SVEP1: variants seen among roughly 807,000 people sequenced by gnomAD.
SVEP1 encodes sushi, von Willebrand factor type A, EGF and pentraxin domain-containing protein 1.
Under a neutral mutation model 367.3 loss-of-function variants are expected in SVEP1, and 164 were observed. That is an observed-to-expected ratio of 0.45 (90% CI 0.39 to 0.51). SVEP1 has a LOEUF of 0.51. Ranked by LOEUF, SVEP1 falls within the 20% of genes least tolerant of loss-of-function variation. The pLI is 0.00. For missense variants in SVEP1, 4,117 were observed against 4,425.3 expected (o/e 0.93, Z 1.98); for synonymous variants, 1,666 against 1,611.6 (o/e 1.03, Z -0.81).
chr9:110,423,956 C>T (rs1268861396), intron 36 of SVEP1, among the ~76,000 whole-genome samples: 7 of 152,122 alleles, frequency 4.6e-5, no homozygotes, highest in Non-Finnish European at 7.4e-5. Flanking sequence ...AAACCTTAAA[C>T]AATGATGAAA....
intron 36 of SVEP1, among the ~76,000 whole-genome samples, chr9:110,422,911 A>C: frequency 9.0e-6 from 1 of 111,060 alleles, no homozygotes; most frequent in Admixed American, 9.5e-5. Flanking sequence ...ATAGGTGGGA[A>C]TTGAACAATG....
intron 5 of SVEP1, among the ~76,000 whole-genome samples, chr9:110,504,977 ATCT>A (rs2118758961): frequency 6.6e-6 from 1 of 152,280 alleles, no homozygotes; most frequent in African/African-American, 2.4e-5. Flanking sequence ...GGTTTTCTTC[ATCT>A]TCTTTGAATT....
At chr9:110,394,065 TG>T (rs1827715900) in intron 40 of SVEP1, among the ~76,000 whole-genome samples, 1 of 152,164 alleles carries the variant, frequency 6.6e-6, no homozygotes, top group Non-Finnish European at 1.5e-5. Context: ...CCTCCTCAAG[TG>T]GGTCCCTGAC....
At chr9:110,513,660 G>A (rs1373514628) in intron 4 of SVEP1, among the ~76,000 whole-genome samples, 1 of 152,064 alleles carries the variant, frequency 6.6e-6, no homozygotes, top group Admixed American at 6.5e-5. Context: ...TTAAAATTGT[G>A]GCTTTTCTTT....
intron 3 of SVEP1, among the ~76,000 whole-genome samples, chr9:110,515,458 G>A (rs924645466): frequency 3.3e-5 from 5 of 151,872 alleles, no homozygotes; most frequent in African/African-American, 7.3e-5. Flanking sequence ...CCGCCACCAC[G>A]CCTGGCTAAT....
chr9:110,500,327 T>G (rs1829513338), intron 6 of SVEP1, among the ~76,000 whole-genome samples: 1 of 152,238 alleles, frequency 6.6e-6, no homozygotes, highest in South Asian at 2.1e-4. Flanking sequence ...CTCAGTATCC[T>G]TTATTTACAG....
At chr9:110,402,439 C>T (rs1011701928) in intron 39 of SVEP1, among the ~76,000 whole-genome samples, 2 of 152,108 alleles carry the variant, frequency 1.3e-5, no homozygotes, top group Non-Finnish European at 2.9e-5. Flanking sequence ...CTCCTAGGTG[C>T]TGAACATAGT....
At chr9:110,450,467 GT>G (rs10656079) in intron 23 of SVEP1, among the ~76,000 whole-genome samples, 12,179 of 101,718 alleles carry the variant, frequency 0.12, 303 homozygotes, top group South Asian at 0.2. Context: ...TTGATAATCT[GT>G]TTTTTTTTTT....
chr9:110,479,867 A>C, intron 12 of SVEP1, 111 bp from the exon 13 acceptor site: 1 of 1,447,680 alleles, frequency 6.9e-7, no homozygotes, highest in East Asian at 2.3e-5. Context: ...AATTTGTGGG[A>C]TTGTTATAAA....
At chr9:110,431,424 A>G (rs1828347250) in intron 32 of SVEP1, among the ~76,000 whole-genome samples, 1 of 152,232 alleles carries the variant, frequency 6.6e-6, no homozygotes. Flanking sequence ...AAATACAACA[A>G]CGGGTTGAGA....
At position 110,400,264 on chromosome 9, in the gene SVEP1, A is replaced by C. The variant is rs904933168; in HGVS notation, c.9822+590T>G. 3.3e-5 allele frequency among the ~76,000 whole-genome samples: 5 copies of C among 152,304 alleles called. No homozygotes were observed. The East Asian group carries it at 9.6e-4, about 29-fold the overall frequency. On this transcript the variant is annotated intron_variant, in intron 40 of 47. Transcript: ENST00000374469. The stretch of plus-strand genomic sequence containing the variant: ...TATGATTACCAGCAAGCCGAAACAC[A>C]GTTTAAATGGTCAGTTGAAGTCACA...
intron 24 of SVEP1, among the ~76,000 whole-genome samples, chr9:110,448,274 A>G (rs1347503708): frequency 6.6e-6 from 1 of 152,268 alleles, no homozygotes; most frequent in Non-Finnish European, 1.5e-5. Context: ...GCAAAATATT[A>G]AGGTTTGATA....
intron 31 of SVEP1, 50 bp downstream of exon 31, chr9:110,432,412 T>C (rs899869729): frequency 1.3e-5 from 20 of 1,548,258 alleles, no homozygotes; most frequent in Non-Finnish European, 1.7e-5. Flanking sequence ...ATGACTGTCA[T>C]CTACAGAGCT....
At chr9:110,555,598 C>T (rs1165377881) in intron 1 of SVEP1, among the ~76,000 whole-genome samples, 4 of 152,190 alleles carry the variant, frequency 2.6e-5, no homozygotes, top group African/African-American at 9.6e-5. Flanking sequence ...ACACACAAAA[C>T]ACTTCAAGCC....
rs56077443 is a variant in SVEP1 at position 110,572,789 on chromosome 9, C to CAAAAAAAAAAAAAAAAAAAAAAAAAAAAA, written c.531+6223_531+6224insTTTTTTTTTTTTTTTTTTTTTTTTTTTTT. Among the ~76,000 whole-genome samples, 42 of 76,518 alleles carry CAAAAAAAAAAAAAAAAAAAAAAAAAAAAA rather than the reference C, an allele frequency of 5.5e-4. 1 individual carries two copies. Among genetic ancestry groups the CAAAAAAAAAAAAAAAAAAAAAAAAAAAAA allele is most frequent in the South Asian group, 1.0e-3 (2 of 1,922 alleles). The allele number at this position is 76,518 out of a possible 152,430, so 50.2% of individuals were successfully genotyped here. A position where few individuals can be genotyped will look rare whatever the true frequency, so the allele number is the denominator to read the frequency against. On this transcript the variant is annotated intron_variant, in intron 1 of 47. Coordinates refer to ENST00000374469, the MANE Select transcript of SVEP1 (RefSeq NM_153366.4). ...AGAGGGTGACCCTCTCTCTCTCTCACAAAAAAAAAAAAAAAAAAAAAAAAA... is the reference window on the plus strand; with the variant it reads ...AGAGGGTGACCCTCTCTCTCTCTCACAAAAAAAAAAAAAAAAAAAAAAAAAAAAAAAAAAAAAAAAAAAAAAAAAAAAAA...
chr9:110,378,304 G>A (rs1231895937), intron 44 of SVEP1, among the ~76,000 whole-genome samples: 2 of 152,170 alleles, frequency 1.3e-5, no homozygotes, highest in Non-Finnish European at 2.9e-5. Flanking sequence ...TACATCCCAT[G>A]TATTGGTGAT....
chr9:110,379,202 A>G (rs1019040518), intron 44 of SVEP1, 145 bp downstream of exon 44: 59 of 919,258 alleles, frequency 6.4e-5, no homozygotes, highest in Middle Eastern at 3.4e-4. Context: ...CCATAACATT[A>G]AAAGAAAATT....
intron 42 of SVEP1, among the ~76,000 whole-genome samples, chr9:110,386,706 T>G (rs1827529150): frequency 6.7e-6 from 1 of 149,700 alleles, no homozygotes; most frequent in African/African-American, 2.6e-5. Flanking sequence ...GTGACACACA[T>G]GTCAACACAT....
intron 34 of SVEP1, among the ~76,000 whole-genome samples, chr9:110,429,712 T>C (rs1828321752): frequency 6.6e-6 from 1 of 152,174 alleles, no homozygotes; most frequent in Non-Finnish European, 1.5e-5. Context: ...TGATAGATTA[T>C]TGGTCAGGGG....
Sources: gnomAD v4.1 joint callset for allele counts (sites outside exome capture counted in the v4.1 genomes callset) on GRCh38, gnomAD v4.1.1 for gene constraint, MANE v1.5 for transcripts, NCBI Gene and HGNC (gene_info 2026-07-23, HGNC 2026-07-21) for gene names.